The following STOX1 variants were observed in gnomAD, a reference collection of about 807,000 sequenced individuals.
STOX1 encodes storkhead-box protein 1.
STOX1 carries 57 observed loss-of-function variants against 74.8 expected under a neutral mutation model. The ratio of observed to expected loss-of-function variants is 0.76; its 90% CI spans 0.62 to 0.95. STOX1 has a LOEUF of 0.95. STOX1 is among the 40% of genes least tolerant of loss of function. The pLI, the probability that STOX1 is intolerant of heterozygous loss-of-function variation, is 0.00. For missense variants in STOX1, 1,010 were observed against 1,117.0 expected, an observed-to-expected ratio of 0.90 and a Z score of 1.37; for synonymous variants, 375 against 401.3, an observed-to-expected ratio of 0.93 and a Z score of 0.78.
intron 1 of STOX1, among the ~76,000 whole-genome samples, chr10:68,870,015 C>T (rs1011878077): frequency 6.6e-6 from 1 of 151,874 alleles, no homozygotes; most frequent in African/African-American, 2.4e-5. Flanking sequence ...ATTGCTTGGC[C>T]CCCAGTATAG....
At chr10:68,829,824 C>T (rs1839360703) in intron 1 of STOX1, among the ~76,000 whole-genome samples, 1 of 152,146 alleles carries the variant, frequency 6.6e-6, no homozygotes, top group South Asian at 2.1e-4. Context: ...GTTTCTGGCT[C>T]TGAGAGCAGT....
chr10:68,829,117 G>A, intron 1 of STOX1: 1 of 376,250 alleles, frequency 2.7e-6, no homozygotes, highest in Non-Finnish European at 3.7e-6. Flanking sequence ...TCTTACCAAG[G>A]AACCCCTCTG....
chr10:68,876,413 C>T (rs1453851130), intron 1 of STOX1, among the ~76,000 whole-genome samples: 2 of 152,034 alleles, frequency 1.3e-5, no homozygotes, highest in Non-Finnish European at 2.9e-5. Flanking sequence ...CCCTCAGCCT[C>T]TCAAAGTGCT....
chr10:68,885,997 C>G lies in STOX1; in HGVS notation c.2201C>G (p.Ser734Ter), dbSNP rs1442831655. Reference sequence around the variant, plus strand: ...GAAGATGATGATGGTGCCTGTAGTTCATTATATCTAGAGGAGGATGACATT... The same window carrying G: ...GAAGATGATGATGGTGCCTGTAGTTGATTATATCTAGAGGAGGATGACATT... The part of the protein sequence containing the change: ...EVEDDDGACS[S>*]LYLEEDDISE... The change falls in exon 3 of 4, where the codon TCA (serine) becomes TGA (stop). Residue 734 changes from serine to a stop codon, truncating the protein, a stop_gained. Transcript: ENST00000298596. LOFTEE classifies it high-confidence loss of function. 7.4e-6 allele frequency: 12 copies of G among 1,614,118 alleles called. No homozygotes were observed. The highest frequency in any genetic ancestry group is 1.0e-5 in the Non-Finnish European group (12 of 1,180,044).
rs1294723371 is a variant in STOX1, at chr10:68,872,350, T to C, written c.311-9608T>C. Among the ~76,000 whole-genome samples, 3 of 122,122 alleles carry C rather than the reference T, an allele frequency of 2.5e-5. No homozygotes were observed. In the East Asian group the frequency reaches 6.8e-4, roughly 28 times the overall value. The allele number at this position is 122,122 out of a possible 152,430, so 80.1% of individuals were successfully genotyped here. ...TTTTTTCTTTTTCTTTTCTTTTTTT[T>C]TTTTTTTTTTTTGAGACAGAGTTTC... On this transcript the variant is annotated intron_variant, in intron 1 of 3. Coordinates refer to ENST00000298596, the MANE Select transcript of STOX1 (RefSeq NM_152709.5).
At chr10:68,877,689 A>G (rs7095976) in intron 1 of STOX1, among the ~76,000 whole-genome samples, 97,796 of 152,132 alleles carry the variant, frequency 0.64, 31,716 homozygotes, top group East Asian at 0.9. Context: ...CTGCAGGCGG[A>G]CACAGCAGGG....
At chr10:68,887,525 G>A (rs1220018226) in intron 3 of STOX1, among the ~76,000 whole-genome samples, 4 of 151,192 alleles carry the variant, frequency 2.6e-5, no homozygotes, top group African/African-American at 4.9e-5. Flanking sequence ...CAGGTGATCC[G>A]CCCACCTTGG....
chr10:68,838,499 A>G (rs1168436059), intron 1 of STOX1, among the ~76,000 whole-genome samples: 1 of 152,146 alleles, frequency 6.6e-6, no homozygotes, highest in African/African-American at 2.4e-5. Context: ...AGGGTTTCCT[A>G]TGTAAGATCA....
At chr10:68,833,853 C>T (rs1171859107) in intron 1 of STOX1, among the ~76,000 whole-genome samples, 1 of 152,190 alleles carries the variant, frequency 6.6e-6, no homozygotes, top group Non-Finnish European at 1.5e-5. Flanking sequence ...AGCCATTGCA[C>T]CCGGCCCGCT....
At chr10:68,831,556 C>T (rs73266426) in intron 1 of STOX1, among the ~76,000 whole-genome samples, 3,963 of 152,120 alleles carry the variant, frequency 0.026, 174 homozygotes, top group African/African-American at 0.09. Flanking sequence ...CTGGCCAGCT[C>T]AGGCAGAAAA....
intron 1 of STOX1, among the ~76,000 whole-genome samples, chr10:68,875,872 T>C (rs1840661822): frequency 6.6e-6 from 1 of 152,124 alleles, no homozygotes; most frequent in African/African-American, 2.4e-5. Context: ...TCTAACATTG[T>C]CTGCTACAAG....
In STOX1 at chr10:68,885,002, C is replaced by T. The variant is rs754042907; in HGVS notation, c.1206C>T (p.Ile402=). Residue 402 remains isoleucine, a synonymous_variant, in exon 3 of 4, where the codon ATC becomes ATT. Coordinates refer to ENST00000298596, the MANE Select transcript of STOX1 (RefSeq NM_152709.5). ...SQGTSTDMLT[I]GHKYPSKEGV... ...GCACTTCCACTGACATGCTGACAAT[C>T]GGGCATAAGTATCCTTCAAAAGAGG... is the stretch of plus-strand genomic sequence containing the variant. The T allele has an allele frequency of 8.7e-6, 14 of 1,614,004 alleles. No homozygotes were observed. Among genetic ancestry groups the T allele is most frequent in the Middle Eastern group, 3.3e-4 (2 of 6,084 alleles).
chr10:68,831,252 A>G (rs1294156371), intron 1 of STOX1, among the ~76,000 whole-genome samples: 1 of 152,042 alleles, frequency 6.6e-6, no homozygotes, highest in Admixed American at 6.6e-5. Context: ...CAATGGCGCA[A>G]TCTCAGCTCA....
chr10:68,891,234 A>C (rs568837488), intron 3 of STOX1, among the ~76,000 whole-genome samples: 1 of 152,224 alleles, frequency 6.6e-6, no homozygotes, highest in African/African-American at 2.4e-5. Flanking sequence ...TTGAACATCA[A>C]CTGTGTGCCA....
At chr10:68,837,867 A>G (rs1839596088) in intron 1 of STOX1, among the ~76,000 whole-genome samples, 2 of 152,254 alleles carry the variant, frequency 1.3e-5, no homozygotes, top group Admixed American at 1.3e-4. Flanking sequence ...GATACCATCT[A>G]TGCAAACACT....
intron 1 of STOX1, among the ~76,000 whole-genome samples, chr10:68,867,459 T>A (rs555567413): frequency 1.3e-5 from 2 of 152,090 alleles, no homozygotes; most frequent in Non-Finnish European, 2.9e-5. Context: ...GAACTGAGGG[T>A]GGTTGCTCAG....
chr10:68,844,081 G>C (rs1167152558), intron 1 of STOX1, among the ~76,000 whole-genome samples: 12 of 151,850 alleles, frequency 7.9e-5, no homozygotes. Flanking sequence ...TTGGGAGCCT[G>C]AGGCTGGAGA....
chr10:68,874,660 C>CAA (rs545162403), intron 1 of STOX1, among the ~76,000 whole-genome samples: 6 of 128,646 alleles, frequency 4.7e-5, no homozygotes, highest in Non-Finnish European at 6.6e-5. Flanking sequence ...GACTCCGTCT[C>CAA]AAAAAAAAAA....
At chr10:68,849,333 T>G (rs60472244) in intron 1 of STOX1, among the ~76,000 whole-genome samples, 2,383 of 152,308 alleles carry the variant, frequency 0.016, 73 homozygotes, top group African/African-American at 0.054. Flanking sequence ...CATGCTGTGA[T>G]GTACTGTTCT....
Sources: allele counts gnomAD v4.1 joint callset (sites outside exome capture counted in the v4.1 genomes callset), GRCh38; gene constraint gnomAD v4.1.1; transcripts MANE v1.5; gene names NCBI Gene and HGNC (gene_info 2026-07-23, HGNC 2026-07-21).